Variants in SLFNL1 observed in about 807,000 individuals in gnomAD.
SLFNL1 encodes the protein schlafen-like protein 1.
A neutral mutation model predicts 32.5 loss-of-function variants in SLFNL1; 26 were observed. That is an observed-to-expected ratio of 0.80 (90% confidence interval 0.59 to 1.11). The LOEUF is 1.11. SLFNL1 is among the 50% of genes least tolerant of loss of function. The pLI is 0.00. For missense variants in SLFNL1, 553 were observed against 546.5 expected (o/e 1.01, Z -0.12); for synonymous variants, 255 against 242.2 (o/e 1.05, Z -0.49).
Position 41,017,490 on chromosome 1 carries a change from T to A in SLFNL1, c.958-113A>T. On this transcript the variant is annotated intron_variant, in intron 4 of 5. Transcript: ENST00000302946. This position sits in a 1 kb window ranked among gnomAD's most constrained non-coding sequence, Gnocchi z 4.9. ...ATTCCTTAGGGCAGGCCAGCAGGGC[T>A]GGCACAGGGGCCATCCCCAGCCTCT... The A allele has an allele frequency of 6.6e-7, 1 of 1,507,116 alleles. No homozygotes were observed. Among genetic ancestry groups the A allele is most frequent in the South Asian group, 1.3e-5 (1 of 76,448 alleles). 93.4% of individuals were successfully genotyped at this position (1,507,116 alleles called of 1,614,324 possible). A position where few individuals can be genotyped will look rare whatever the true frequency, so the allele number is the denominator to read the frequency against.
Position 41,020,782 on chromosome 1 carries a change from G to T in SLFNL1, c.-118-4C>A. The stretch of plus-strand genomic sequence containing the variant: ...GACTCAGGGAGTGTCCCGGCTCCTG[G>T]GAGGTACACAGATTGGCAGAGACTG... On this transcript the variant is annotated splice_region_variant and splice_polypyrimidine_tract_variant and intron_variant, in intron 2 of 5. Coordinates refer to ENST00000302946, the MANE Select transcript of SLFNL1 (RefSeq NM_144990.4). 1 of 883,884 alleles carries T rather than the reference G, an allele frequency of 1.1e-6. No homozygotes were observed. The highest frequency in any genetic ancestry group is 1.7e-5 in the South Asian group (1 of 58,618). The allele number at this position is 883,884 out of a possible 1,614,324, so 54.8% of individuals were successfully genotyped here. A position where few individuals can be genotyped will look rare whatever the true frequency, so the allele number is the denominator to read the frequency against.
At chr1:41,018,828 G>GTTTTTT (rs34061852) in intron 3 of SLFNL1, among the ~76,000 whole-genome samples, 26 of 60,652 alleles carry the variant, frequency 4.3e-4, no homozygotes, top group Admixed American at 8.5e-4. Flanking sequence ...CAACCCTCCT[G>GTTTTTT]TTTTTTTTTT....
chr1:41,020,387 C>A lies in SLFNL1; in HGVS notation c.274G>T (p.Ala92Ser). The change falls in exon 3 of 6, where the codon GCC (alanine) becomes TCC (serine). Residue 92 changes from alanine (A) to serine (S), a missense_variant. Physicochemically the swap from Ala to Ser is moderately conservative, Grantham distance 99. Transcript: ENST00000302946. ...ACAGTCACCTGCACCAGTGCATAGG[C>A]CTTCCGCGGCCGCCTCACCACTTCA... ...HIEVVRRPRK[A>S]YALVQVTVHR... 6.2e-7 allele frequency: 1 copy of A among 1,613,196 alleles called. No homozygotes were observed. The highest frequency in any genetic ancestry group is 1.1e-5 in the South Asian group (1 of 91,082).
Position 41,018,009 on chromosome 1 carries a change from C to T in SLFNL1, c.583G>A (p.Val195Met), listed in dbSNP as rs545359197. 1.4e-5 allele frequency: 22 copies of T among 1,603,994 alleles called. No homozygotes were observed. In the African/African-American group the frequency reaches 1.5e-4, roughly 11 times the overall value. The change falls in exon 4 of 6, where the codon GTG becomes ATG. Residue 195 changes from valine to methionine, a missense_variant. By Grantham distance (21) the Val-to-Met change is conservative (BLOSUM62 1). Coordinates refer to ENST00000302946, the MANE Select transcript of SLFNL1 (RefSeq NM_144990.4). The part of the protein sequence containing the change: ...LQSCQGRPSG[V>M]CSDSAIVHQQ... Reference sequence around the variant, plus strand: ...TGCACAATGGCACTGTCGGAGCACACGCCGCTGGGCCGGCCCTGGCAGCTC... The same window carrying T: ...TGCACAATGGCACTGTCGGAGCACATGCCGCTGGGCCGGCCCTGGCAGCTC...
In SLFNL1 at chr1:41,020,733, A is replaced by G; in HGVS notation, c.-73T>C. On this transcript the variant is annotated 5_prime_UTR_variant, in exon 3 of 6. Transcript: ENST00000302946. ...TGCTTCTCCCAGGGTCTGTGTTCTC[A>G]GTGTGGCTTAAGGGCTCCCAGAGGA... is the stretch of plus-strand genomic sequence containing the variant. 1 of 1,455,490 alleles carries G rather than the reference A, an allele frequency of 6.9e-7. No homozygotes were observed. Among genetic ancestry groups the G allele is most frequent in the South Asian group, 1.3e-5 (1 of 78,612 alleles). The allele number at this position is 1,455,490 out of a possible 1,614,324, so 90.2% of individuals were successfully genotyped here.
rs1447855594 is a variant in SLFNL1 at position 41,016,248 on chromosome 1, G to T, written c.1102-20C>A. On this transcript the variant is annotated intron_variant, in intron 5 of 5. Coordinates refer to ENST00000302946, the MANE Select transcript of SLFNL1 (RefSeq NM_144990.4). ...CCACCTCTGAGGGGACATGGGAAAA[G>T]CATGTGGCCAAGCCCGCCTGGTCTC... The T allele has an allele frequency of 1.2e-6, 2 of 1,613,310 alleles. No homozygotes were observed. The highest frequency in any genetic ancestry group is 4.5e-5 in the East Asian group (2 of 44,840).
chr1:41,019,771 C>T (rs184945664), intron 3 of SLFNL1, among the ~76,000 whole-genome samples: 3 of 152,336 alleles, frequency 2.0e-5, no homozygotes, highest in Admixed American at 1.3e-4. Flanking sequence ...CCTTGCAGCT[C>T]GGTGGGTGGC....
Position 41,017,310 on chromosome 1 carries a change from C to G in SLFNL1, c.1025G>C (p.Gly342Ala). ...CCCGTCGCGCCGCAGAAACACCTCCCCCTGGTCTGTCTGGTAGAGTTGCGG... is the reference window on the plus strand; with the variant it reads ...CCCGTCGCGCCGCAGAAACACCTCCGCCTGGTCTGTCTGGTAGAGTTGCGG... ...SQPQLYQTDQ[G>A]EVFLRRDGSI... Residue 342 changes from glycine (G) to alanine (A), a missense_variant, in exon 5 of 6, where the codon GGG (glycine) becomes GCG (alanine). By Grantham distance (60) the Gly-to-Ala change is moderately conservative. Coordinates refer to ENST00000302946, the MANE Select transcript of SLFNL1 (RefSeq NM_144990.4). The surrounding 1 kb of genome is among the most constrained non-coding windows in gnomAD (Gnocchi z 4.9). 1.9e-6 allele frequency: 3 copies of G among 1,613,818 alleles called. No individual in the cohort carries two copies. The highest frequency in any genetic ancestry group is 2.5e-6 in the Non-Finnish European group (3 of 1,179,940).
rs776409572 is a variant in SLFNL1, at chr1:41,020,695, C to G, written c.-35G>C. ...CTCCCTGGGAAGGGGTTCCAGGATT[C>G]CTCACTGCTGGCTGCTTCTCCCAGG... On this transcript the variant is annotated 5_prime_UTR_variant, in exon 3 of 6. Transcript: ENST00000302946. 11 of 1,580,604 alleles carry G rather than the reference C, an allele frequency of 7.0e-6. No individual in the cohort carries two copies. The African/African-American group carries it at 1.1e-4, about 15-fold the overall frequency.
At position 41,020,248 on chromosome 1, in the gene SLFNL1, T is replaced by C. The variant is rs1417488937; in HGVS notation, c.413A>G (p.Gln138Arg). The C allele has an allele frequency of 6.2e-7, 1 of 1,603,484 alleles. No individual in the cohort carries two copies. The highest frequency in any genetic ancestry group is 8.5e-7 in the Non-Finnish European group (1 of 1,174,022). ...RGKDLLLSEA[Q>R]GPFSHREEKE... is the part of the protein sequence containing the mutation. ...TACCTCTCTGTGGCTGAAGGGCCCTTGGGCCTCACTCAATAGCAGGTCCTT... is the reference window on the plus strand; with the variant it reads ...TACCTCTCTGTGGCTGAAGGGCCCTCGGGCCTCACTCAATAGCAGGTCCTT... Residue 138 changes from glutamine to arginine, a missense_variant, in exon 3 of 6, where the codon CAA becomes CGA. Gln to Arg is a conservative substitution (Grantham distance 43). Coordinates refer to ENST00000302946, the MANE Select transcript of SLFNL1 (RefSeq NM_144990.4).
chr1:41,020,711 T>C lies in SLFNL1; in HGVS notation c.-51A>G. On this transcript the variant is annotated 5_prime_UTR_variant, in exon 3 of 6. Coordinates refer to ENST00000302946, the MANE Select transcript of SLFNL1 (RefSeq NM_144990.4). ...TCCAGGATTCCTCACTGCTGGCTGC[T>C]TCTCCCAGGGTCTGTGTTCTCAGTG... is the stretch of plus-strand genomic sequence containing the variant. 1 of 1,548,710 alleles carries C rather than the reference T, an allele frequency of 6.5e-7. No individual in the cohort carries two copies. Among genetic ancestry groups the C allele is most frequent in the South Asian group, 1.2e-5 (1 of 84,314 alleles).
At chr1:41,018,228 C>G in intron 3 of SLFNL1, 72 bp from the exon 4 acceptor site, 3 of 1,395,254 alleles carry the variant, frequency 2.2e-6, no homozygotes, top group Non-Finnish European at 2.8e-6. Context: ...AGAAGGACTG[C>G]AAGAACCCCC....
Position 41,020,781 on chromosome 1 carries a change from G to C in SLFNL1, c.-118-3C>G, listed in dbSNP as rs1643774414. ...GGACTCAGGGAGTGTCCCGGCTCCT[G>C]GGAGGTACACAGATTGGCAGAGACT... On this transcript the variant is annotated splice_region_variant and splice_polypyrimidine_tract_variant and intron_variant, in intron 2 of 5. Coordinates refer to ENST00000302946, the MANE Select transcript of SLFNL1 (RefSeq NM_144990.4). 1.1e-6 allele frequency: 1 copy of C among 893,512 alleles called. No individual in the cohort carries two copies. The highest frequency in any genetic ancestry group is 1.7e-6 in the Non-Finnish European group (1 of 594,708). The allele number at this position is 893,512 out of a possible 1,614,324, so 55.3% of individuals were successfully genotyped here. A position where few individuals can be genotyped will look rare whatever the true frequency, so the allele number is the denominator to read the frequency against.
rs1371996889 is a variant in SLFNL1, at chr1:41,020,269, T to G, written c.392A>C (p.Asp131Ala). Residue 131 changes from aspartate to alanine, a missense_variant, in exon 3 of 6, where the codon GAC becomes GCC. Asp to Ala is a moderately radical substitution (Grantham distance 126, BLOSUM62 -2). Transcript: ENST00000302946. ...ILKELAARGK[D>A]LLLSEAQGPF... Reference sequence around the variant, plus strand: ...CCCTTGGGCCTCACTCAATAGCAGGTCCTTCCCACGGGCTGCCAGCTCCTT... The same window carrying G: ...CCCTTGGGCCTCACTCAATAGCAGGGCCTTCCCACGGGCTGCCAGCTCCTT... 7 of 1,611,482 alleles carry G rather than the reference T, an allele frequency of 4.3e-6. No individual in the cohort carries two copies. Among genetic ancestry groups the G allele is most frequent in the Middle Eastern group, 1.7e-4 (1 of 5,968 alleles).
Position 41,018,322 on chromosome 1 carries a change from C to T in SLFNL1, c.436-166G>A, listed in dbSNP as rs527338365. ...GAGGGGCCCAGTTCTGCCCACCCTCCTGCAGCCGAGGCAGGAAACCCTGCT... is the reference window on the plus strand; with the variant it reads ...GAGGGGCCCAGTTCTGCCCACCCTCTTGCAGCCGAGGCAGGAAACCCTGCT... On this transcript the variant is annotated intron_variant, in intron 3 of 5. Coordinates refer to ENST00000302946, the MANE Select transcript of SLFNL1 (RefSeq NM_144990.4). The T allele has an allele frequency of 1.6e-4, 100 of 635,782 alleles. 2 individuals carry two copies. In the South Asian group the frequency reaches 3.0e-3, roughly 19 times the overall value. 39.4% of individuals were successfully genotyped at this position (635,782 alleles called of 1,614,324 possible).
In SLFNL1 at chr1:41,020,595, C is replaced by A. The variant is rs372059458; in HGVS notation, c.66G>T (p.Glu22Asp). The A allele has an allele frequency of 5.2e-5, 84 of 1,613,350 alleles. No homozygotes were observed. The African/African-American group carries it at 7.9e-4, about 15-fold the overall frequency. ...VSEPFMESWG[E>D]ESLPELPAEQ... ...CTGCGGGTAGCTCCGGCAGGGACTCCTCACCCCAGGACTCCATGAAGGGCT... is the reference window on the plus strand; with the variant it reads ...CTGCGGGTAGCTCCGGCAGGGACTCATCACCCCAGGACTCCATGAAGGGCT... Residue 22 changes from glutamate to aspartate, a missense_variant, in exon 3 of 6, where the codon GAG becomes GAT. Transcript: ENST00000302946.
rs561173904 is a variant in SLFNL1 at position 41,018,965 on chromosome 1, G to A, written c.436-809C>T. ...AGCCATTCTCCTGCCTCAGCCTCCC[G>A]AGTAGCTGGGATTACAGGGGCCCGC... On this transcript the variant is annotated intron_variant, in intron 3 of 5. Coordinates refer to ENST00000302946, the MANE Select transcript of SLFNL1 (RefSeq NM_144990.4). Among the ~76,000 whole-genome samples, 17 of 147,850 alleles carry A rather than the reference G, an allele frequency of 1.1e-4. No individual in the cohort carries two copies. The East Asian group carries it at 2.9e-3, about 25-fold the overall frequency.
chr1:41,020,749 T>C lies in SLFNL1; in HGVS notation c.-89A>G, dbSNP rs902831577. 26 of 1,261,938 alleles carry C rather than the reference T, an allele frequency of 2.1e-5. No individual in the cohort carries two copies. The highest frequency in any genetic ancestry group is 2.8e-5 in the Non-Finnish European group (25 of 908,426). 78.2% of individuals were successfully genotyped at this position (1,261,938 alleles called of 1,614,324 possible). A position where few individuals can be genotyped will look rare whatever the true frequency, so the allele number is the denominator to read the frequency against. On this transcript the variant is annotated 5_prime_UTR_variant, in exon 3 of 6. Coordinates refer to ENST00000302946, the MANE Select transcript of SLFNL1 (RefSeq NM_144990.4). Reference sequence around the variant, plus strand: ...TGTGTTCTCAGTGTGGCTTAAGGGCTCCCAGAGGACTCAGGGAGTGTCCCG... The same window carrying C: ...TGTGTTCTCAGTGTGGCTTAAGGGCCCCCAGAGGACTCAGGGAGTGTCCCG...
At position 41,020,208 on chromosome 1, in the gene SLFNL1, G is replaced by T; in HGVS notation, c.435+18C>A. On this transcript the variant is annotated intron_variant, in intron 3 of 5. Transcript: ENST00000302946. ...TGGGGTGAGGCTTTGGAGCTTGCTT[G>T]GGAAAAGTCCCACTTACCTCTCTGT... 6.4e-7 allele frequency: 1 copy of T among 1,561,576 alleles called. No homozygotes were observed. The highest frequency in any genetic ancestry group is 1.2e-5 in the South Asian group (1 of 82,674).
Sources: allele counts gnomAD v4.1 joint callset (sites outside exome capture counted in the v4.1 genomes callset), GRCh38; gene constraint gnomAD v4.1.1; non-coding constraint Gnocchi (gnomAD v3.1); transcripts MANE v1.5; gene names NCBI Gene and HGNC (gene_info 2026-07-23, HGNC 2026-07-21).